Variants in SYNE1 observed in about 807,000 individuals in gnomAD.
SYNE1 encodes spectrin repeat containing nuclear envelope protein 1, also known as nesprin-1.
A neutral mutation model predicts 1,111.0 loss-of-function variants in SYNE1; 616 were observed. That is an observed-to-expected ratio of 0.55 (90% CI 0.52 to 0.59). The LOEUF is 0.59. SYNE1 is among the 20% of genes least tolerant of loss of function. The probability of loss-of-function intolerance (pLI) is 0.00; values close to 1 mark genes in which losing one functional copy is unlikely to be tolerated. For missense variants in SYNE1, 10,006 were observed against 10,417.0 expected (o/e 0.96, Z 1.72); for synonymous variants, 3,855 against 3,825.8 (o/e 1.01, Z -0.28).
Position 152,225,855 on chromosome 6 carries a change from C to T in SYNE1, c.21217G>A (p.Ala7073Thr), listed in dbSNP as rs779951793. 8 of 1,613,496 alleles carry T rather than the reference C, an allele frequency of 5.0e-6. No individual in the cohort carries two copies. The highest frequency in any genetic ancestry group is 8.5e-7 in the Non-Finnish European group (1 of 1,179,922). Residue 7073 changes from alanine to threonine, a missense_variant, in exon 116 of 146, where the codon GCA (alanine) becomes ACA (threonine). Physicochemically the swap from Ala to Thr is moderately conservative, Grantham distance 58 (BLOSUM62 0). This residue lies in a region of SYNE1 where 2,182 missense variants were observed against 2,287.8 expected (regional missense o/e 0.95). Transcript: ENST00000367255. ...DCQDLEDLIK[A>T]KEKEVEKIEQ... ...ATTTTCTCTACTTCTTTTTCTTTTG[C>T]TTTAATCAAATCTTCCAGATCCTGA...
At chr6:152,125,964 A>G (rs2747654) in intron 145 of SYNE1, 34,581 of 152,342 alleles carry the variant, frequency 0.23, 4,053 homozygotes, top group African/African-American at 0.28. Flanking sequence ...ACTGAAGGCC[A>G]GAGAGACTAA....
intron 103 of SYNE1, among the ~76,000 whole-genome samples, 154 bp downstream of exon 103, chr6:152,255,437 C>A (rs374468937): frequency 2.6e-5 from 4 of 152,106 alleles, no homozygotes; most frequent in Admixed American, 6.6e-5. Flanking sequence ...AATGAAAATG[C>A]GAACTATAAA....
At chr6:152,431,786 A>G (rs984465190) in intron 34 of SYNE1, among the ~76,000 whole-genome samples, 6 of 152,192 alleles carry the variant, frequency 3.9e-5, no homozygotes, top group Non-Finnish European at 7.4e-5. Flanking sequence ...TAAATGTCGG[A>G]TATGCATCAT....
intron 6 of SYNE1, among the ~76,000 whole-genome samples, chr6:152,512,243 C>T (rs921032029): frequency 6.6e-6 from 1 of 152,078 alleles, no homozygotes; most frequent in Admixed American, 6.6e-5. Context: ...ATTTTTGTCT[C>T]ACTGGTGAAG....
chr6:152,536,457 A>T (rs1254088237), intron 4 of SYNE1, among the ~76,000 whole-genome samples: 3 of 127,706 alleles, frequency 2.3e-5, no homozygotes, highest in South Asian at 2.4e-4. Flanking sequence ...ATATATATTT[A>T]TATATATATA....
intron 127 of SYNE1, among the ~76,000 whole-genome samples, chr6:152,192,313 TGG>T (rs2072693895): frequency 2.9e-4 from 19 of 65,242 alleles, no homozygotes; most frequent in Admixed American, 2.3e-3. Context: ...ATTTTCTGTC[TGG>T]ATGATCTCTC....
chr6:152,380,619 A>T (rs954059962), intron 56 of SYNE1: 1 of 279,488 alleles, frequency 3.6e-6, no homozygotes, highest in African/African-American at 2.3e-5. Flanking sequence ...CTATAAATTC[A>T]ATCATTTAGT....
intron 1 of SYNE1, 43 bp from the exon 2 acceptor site, chr6:152,636,848 G>C (rs936872820): frequency 8.5e-5 from 13 of 152,378 alleles, no homozygotes; most frequent in Admixed American, 5.9e-4. Context: ...GCGGCCGGCG[G>C]CCGCGGCCCG....
Position 152,595,580 on chromosome 6 carries a change from C to A in SYNE1, c.67+32685G>T, listed in dbSNP as rs140001270. Among the ~76,000 whole-genome samples, 934 of 152,162 alleles carry A rather than the reference C, an allele frequency of 6.1e-3. 8 individuals carry two copies. Among genetic ancestry groups the A allele is most frequent in the Non-Finnish European group, 0.011 (725 of 68,000 alleles). ...AAATGAGCAATCTGGTTTTTTTAATCGTAATACTTAAAAATGTTGCCACTA... is the reference window on the plus strand; with the variant it reads ...AAATGAGCAATCTGGTTTTTTTAATAGTAATACTTAAAAATGTTGCCACTA... On this transcript the variant is annotated intron_variant, in intron 3 of 145. Transcript: ENST00000367255.
chr6:152,603,951 T>C lies in SYNE1; in HGVS notation c.67+24314A>G, dbSNP rs1459566799. On this transcript the variant is annotated intron_variant, in intron 3 of 145. Coordinates refer to ENST00000367255, the MANE Select transcript of SYNE1 (RefSeq NM_182961.4). The stretch of plus-strand genomic sequence containing the variant: ...TGTATATGTATATAGATATACTTTC[T>C]ATATAGATATAAATATGTATATCTC... 4.7e-5 allele frequency among the ~76,000 whole-genome samples: 7 copies of C among 148,108 alleles called. No homozygotes were observed. In the Admixed American group the frequency reaches 4.7e-4, roughly 10 times the overall value.
chr6:152,220,732 G>T, intron 119 of SYNE1, 110 bp downstream of exon 119: 1 of 973,966 alleles, frequency 1.0e-6, no homozygotes, highest in Non-Finnish European at 1.7e-6. Flanking sequence ...AGTTATTTTT[G>T]GGTAACTGTC....
chr6:152,430,186 C>A lies in SYNE1; in HGVS notation c.4714G>T (p.Glu1572Ter). 6.2e-7 allele frequency: 1 copy of A among 1,603,486 alleles called. No individual in the cohort carries two copies. The highest frequency in any genetic ancestry group is 1.1e-5 in the South Asian group (1 of 89,908). Residue 1572 changes from glutamate (E) to a stop codon, truncating the protein, a stop_gained, in exon 36 of 146, where the codon GAA (glutamate) becomes TAA (stop). Coordinates refer to ENST00000367255, the MANE Select transcript of SYNE1 (RefSeq NM_182961.4). LOFTEE classifies it high-confidence loss of function. ...RKIQQSVSEF[E>*]DKLAVPIKIC... ...TTAATTGGAACAGCAAGTTTATCTT[C>A]AAATTCAGACACAGATTGCTGGATC... is the stretch of plus-strand genomic sequence containing the variant.
At chr6:152,140,515 T>C (rs1395593340) in intron 139 of SYNE1, among the ~76,000 whole-genome samples, 2 of 152,100 alleles carry the variant, frequency 1.3e-5, no homozygotes, top group Non-Finnish European at 2.9e-5. Flanking sequence ...TGATTAGATA[T>C]GTGAGAAACA....
intron 69 of SYNE1, 82 bp from the exon 70 acceptor site, chr6:152,352,435 C>T: frequency 2.1e-6 from 3 of 1,429,666 alleles, no homozygotes; most frequent in South Asian, 1.2e-5. Context: ...TGGAGTTTCA[C>T]TTTGTCACCC....
chr6:152,285,150 C>T (rs969702667), intron 95 of SYNE1, among the ~76,000 whole-genome samples: 2 of 152,132 alleles, frequency 1.3e-5, no homozygotes, highest in African/African-American at 2.4e-5. Flanking sequence ...GCCTGTCTTC[C>T]ACCACCTCTC....
chr6:152,231,004 T>G (rs1182534183), intron 114 of SYNE1, among the ~76,000 whole-genome samples: 1 of 152,094 alleles, frequency 6.6e-6, no homozygotes, highest in Non-Finnish European at 1.5e-5. Context: ...GGATTTGTGT[T>G]GGGCTGCATT....
chr6:152,565,179 T>C (rs1370514169), intron 3 of SYNE1, among the ~76,000 whole-genome samples: 1 of 152,170 alleles, frequency 6.6e-6, no homozygotes. Context: ...ATGTGGTTCC[T>C]TTTGCCTCCA....
chr6:152,178,137 T>C (rs1459053074), intron 129 of SYNE1, among the ~76,000 whole-genome samples: 1 of 152,164 alleles, frequency 6.6e-6, no homozygotes, highest in East Asian at 1.9e-4. Context: ...AATAAAATTA[T>C]CTATATGAAA....
At chr6:152,511,526 T>C (rs1454544167) in intron 6 of SYNE1, 2 of 1,581,948 alleles carry the variant, frequency 1.3e-6, no homozygotes, top group Admixed American at 1.7e-5. Flanking sequence ...TGTTCCCTTT[T>C]ACCTATAAAA....
Sources: gnomAD v4.1 joint callset for allele counts (sites outside exome capture counted in the v4.1 genomes callset) on GRCh38, gnomAD v4.1.1 for gene constraint, gnomAD v4.1.1 regional missense constraint, MANE v1.5 for transcripts, NCBI Gene and HGNC (gene_info 2026-07-23, HGNC 2026-07-21) for gene names.